The following RAB27A variants were observed in gnomAD, a reference collection of about 807,000 sequenced individuals.
RAB27A encodes ras-related protein Rab-27A.
Under a neutral mutation model 20.8 loss-of-function variants are expected in RAB27A, and 17 were observed. That is an observed-to-expected ratio of 0.82 (90% confidence interval 0.56 to 1.23). The LOEUF (loss-of-function observed/expected upper bound fraction) is 1.23. RAB27A is among the 50% of genes most tolerant of loss of function. The pLI is 0.00. For missense variants in RAB27A, 277 were observed against 266.7 expected, an observed-to-expected ratio of 1.04 and a Z score of -0.27; for synonymous variants, 85 against 92.8, an observed-to-expected ratio of 0.92 and a Z score of 0.48.
intron 2 of RAB27A, among the ~76,000 whole-genome samples, chr15:55,237,756 G>A (rs1193760501): frequency 2.0e-5 from 3 of 152,096 alleles, no homozygotes; most frequent in Admixed American, 1.3e-4. Flanking sequence ...ATCCTGCAGT[G>A]AGAATGATGC....
chr15:55,247,524 T>C (rs1184280665), intron 2 of RAB27A, among the ~76,000 whole-genome samples: 1 of 152,166 alleles, frequency 6.6e-6, no homozygotes, highest in African/African-American at 2.4e-5. Flanking sequence ...TGGAAAGCTT[T>C]TGACCAACAC....
intron 2 of RAB27A, among the ~76,000 whole-genome samples, chr15:55,242,745 G>A (rs1228240553): frequency 6.6e-6 from 1 of 152,076 alleles, no homozygotes; most frequent in Non-Finnish European, 1.5e-5. Context: ...AGTTGTATCT[G>A]GGTGATTTTT....
chr15:55,241,600 T>TTCTATATATATATATATATATATATATA lies in RAB27A; in HGVS notation c.-22-6645_-22-6644insTATATATATATATATATATATATATAGA, dbSNP rs1388634936. Among the ~76,000 whole-genome samples the TTCTATATATATATATATATATATATATA allele has an allele frequency of 5.8e-4, 72 of 123,860 alleles. 7 individuals carry two copies. The highest frequency in any genetic ancestry group is 3.1e-3 in the African/African-American group (72 of 23,428). The allele number at this position is 123,860 out of a possible 152,430, so 81.3% of individuals were successfully genotyped here. A position where few individuals can be genotyped will look rare whatever the true frequency, so the allele number is the denominator to read the frequency against. On this transcript the variant is annotated intron_variant, in intron 2 of 6. Transcript: ENST00000336787. ...AGCCCAGGCAACTAGCAAGACCTAT[T>TTCTATATATATATATATATATATATATA]TATATATATATATATATATATATAT...
chr15:55,257,497 G>A (rs545171661), intron 2 of RAB27A, among the ~76,000 whole-genome samples: 39 of 152,326 alleles, frequency 2.6e-4, no homozygotes, highest in African/African-American at 9.4e-4. Context: ...CTGCTGCTCT[G>A]ATTAAACTCA....
At chr15:55,247,537 A>T (rs1472553367) in intron 2 of RAB27A, among the ~76,000 whole-genome samples, 1 of 152,074 alleles carries the variant, frequency 6.6e-6, no homozygotes, top group Non-Finnish European at 1.5e-5. Flanking sequence ...ACCAACACAG[A>T]CTGACTCTCC....
chr15:55,303,332 C>T (rs2054982560), intron 2 of RAB27A, among the ~76,000 whole-genome samples: 3 of 104,968 alleles, frequency 2.9e-5, no homozygotes, highest in Admixed American at 1.7e-4. Flanking sequence ...TCCGCCCGGC[C>T]AGCCGCCCCG....
chr15:55,221,852 G>A (rs1182924107), intron 6 of RAB27A, among the ~76,000 whole-genome samples: 1 of 152,060 alleles, frequency 6.6e-6, no homozygotes, highest in African/African-American at 2.4e-5. Flanking sequence ...GTTTCTGCAG[G>A]ACACCCACAC....
chr15:55,216,486 G>A (rs979016335), intron 6 of RAB27A, among the ~76,000 whole-genome samples: 17 of 151,754 alleles, frequency 1.1e-4, no homozygotes, highest in African/African-American at 2.9e-4. Context: ...GAGCCGAGGC[G>A]GTGCTACTGC....
At chr15:55,262,291 T>C (rs781511216) in intron 2 of RAB27A, among the ~76,000 whole-genome samples, 2 of 152,002 alleles carry the variant, frequency 1.3e-5, no homozygotes, top group South Asian at 2.1e-4. Context: ...CATGTAATCC[T>C]AGCAATTTGG....
chr15:55,306,962 T>C (rs980149174), intron 2 of RAB27A, among the ~76,000 whole-genome samples: 1 of 152,176 alleles, frequency 6.6e-6, no homozygotes, highest in East Asian at 1.9e-4. Context: ...TTCAAAGAAA[T>C]AGCTAGCGTT....
At chr15:55,224,080 A>G in intron 5 of RAB27A, 68 bp from the exon 6 acceptor site, 1 of 1,278,970 alleles carries the variant, frequency 7.8e-7, no homozygotes, top group Non-Finnish European at 1.1e-6. Context: ...TGAACAATAC[A>G]TGCAAAAGTG....
At chr15:55,293,418 A>T (rs1284378892), upstream of RAB27A, among the ~76,000 whole-genome samples, 3 of 151,732 alleles carry the variant, frequency 2.0e-5, 1 homozygote, top group African/African-American at 7.3e-5. Context: ...AAATAAGCAA[A>T]GATGCAAGAT....
intron 1 of RAB27A, among the ~76,000 whole-genome samples, chr15:55,283,289 G>A (rs1403235895): frequency 6.6e-6 from 1 of 152,120 alleles, no homozygotes; most frequent in Non-Finnish European, 1.5e-5. Flanking sequence ...TGGGGCAGGG[G>A]AGAAAATCAC....
chr15:55,252,327 G>C (rs189221792), intron 2 of RAB27A, among the ~76,000 whole-genome samples: 14 of 152,326 alleles, frequency 9.2e-5, no homozygotes. Context: ...CAAGTGGCTG[G>C]ATACAGTGGC....
At chr15:55,316,445 G>C (rs1254804385) in intron 1 of RAB27A, among the ~76,000 whole-genome samples, 1 of 151,106 alleles carries the variant, frequency 6.6e-6, no homozygotes, top group Admixed American at 6.6e-5. Flanking sequence ...GGGGGGCAAG[G>C]GGAGGGAGAG....
chr15:55,317,798 CA>C (rs1319667537), intron 1 of RAB27A: 1 of 398,014 alleles, frequency 2.5e-6, no homozygotes. Context: ...AACATTGCTG[CA>C]ACAAATACAG....
intron 2 of RAB27A, among the ~76,000 whole-genome samples, chr15:55,308,703 G>A (rs183033423): frequency 2.8e-4 from 43 of 152,328 alleles, no homozygotes; most frequent in African/African-American, 7.2e-4. Flanking sequence ...GCACAAATGC[G>A]CAGTCGCAGC....
chr15:55,268,149 C>CTT (rs113400757), intron 2 of RAB27A, among the ~76,000 whole-genome samples: 11 of 143,612 alleles, frequency 7.7e-5, no homozygotes, highest in African/African-American at 2.6e-4. Flanking sequence ...CCCAAAACAT[C>CTT]TTTTTTTTTT....
At chr15:55,268,127 T>A (rs1278933125) in intron 2 of RAB27A, among the ~76,000 whole-genome samples, 2 of 151,684 alleles carry the variant, frequency 1.3e-5, no homozygotes, top group African/African-American at 4.8e-5. Context: ...CCCTCATGAA[T>A]AAACACTCAT....
Sources: gnomAD v4.1 joint callset for allele counts (sites outside exome capture counted in the v4.1 genomes callset) on GRCh38, gnomAD v4.1.1 for gene constraint, MANE v1.5 for transcripts, NCBI Gene and HGNC (gene_info 2026-07-23, HGNC 2026-07-21) for gene names.